Variants in RFTN1 observed in about 807,000 individuals in gnomAD.
RFTN1 encodes raftlin.
RFTN1 carries 26 observed loss-of-function variants against 46.5 expected under a neutral mutation model. The observed-to-expected ratio is 0.56, with a 90% CI of 0.41 to 0.78. RFTN1 has a LOEUF of 0.78. RFTN1 is among the 30% of genes least tolerant of loss of function. The probability of loss-of-function intolerance (pLI) is 0.00; values close to 1 mark genes in which losing one functional copy is unlikely to be tolerated. For missense variants in RFTN1, 693 were observed against 718.7 expected (o/e 0.96, Z 0.41); for synonymous variants, 261 against 284.2 (o/e 0.92, Z 0.82).
rs2074124532 is a variant in RFTN1, at chr3:16,385,134, G to T, written c.442-7032C>A. On this transcript the variant is annotated intron_variant, in intron 4 of 9. Transcript: ENST00000334133. This position sits in a 1 kb window ranked among gnomAD's most constrained non-coding sequence, Gnocchi z 5.0. Reference sequence around the variant, plus strand: ...AGCCCACAGCAGAGGCATGCCCTAGGTGTCAAGAACAGGTACAAAAATGCC... The same window carrying T: ...AGCCCACAGCAGAGGCATGCCCTAGTTGTCAAGAACAGGTACAAAAATGCC... Among the ~76,000 whole-genome samples the T allele has an allele frequency of 6.6e-6, 1 of 152,136 alleles. No homozygotes were observed. The highest frequency in any genetic ancestry group is 6.5e-5 in the Admixed American group (1 of 15,280).
Position 16,458,654 on chromosome 3 carries a change from C to G in RFTN1, c.146-24617G>C, listed in dbSNP as rs1280681673. Among the ~76,000 whole-genome samples the G allele has an allele frequency of 1.3e-5, 2 of 152,168 alleles. No individual in the cohort carries two copies. The highest frequency in any genetic ancestry group is 2.9e-5 in the Non-Finnish European group (2 of 68,022). On this transcript the variant is annotated intron_variant, in intron 2 of 9. Transcript: ENST00000334133. The surrounding 1 kb of genome is among the most constrained non-coding windows in gnomAD (Gnocchi z 5.1). ...CTATTTACATATCATAGCAAACAGC[C>G]TCTTATTTAGATGTCAAATTCCAGC...
chr3:16,371,123 A>C (rs555858357), intron 5 of RFTN1, among the ~76,000 whole-genome samples: 1 of 152,368 alleles, frequency 6.6e-6, no homozygotes, highest in South Asian at 2.1e-4. Flanking sequence ...CCAGCTTAAA[A>C]AGTCTTGCTT....
At chr3:16,488,846 T>G (rs1404570023) in intron 2 of RFTN1, among the ~76,000 whole-genome samples, 2 of 152,116 alleles carry the variant, frequency 1.3e-5, no homozygotes, top group Non-Finnish European at 2.9e-5. Context: ...ACTGCAAACA[T>G]AAAATGACAT....
Position 16,433,185 on chromosome 3 carries a change from T to TTAA in RFTN1, c.332+665_332+666insTTA, listed in dbSNP as rs3054563. ...TCCCATCCTCACTGTTTTTTTTTTT[T>TTAA]AAAAAAATTAATATTGTTCCTTTTG... On this transcript the variant is annotated intron_variant, in intron 3 of 9. Transcript: ENST00000334133. This position sits in a 1 kb window ranked among gnomAD's most constrained non-coding sequence, Gnocchi z 4.4. Among the ~76,000 whole-genome samples the TTAA allele has an allele frequency of 5.9e-4, 89 of 150,236 alleles. No individual in the cohort carries two copies. Among genetic ancestry groups the TTAA allele is most frequent in the East Asian group, 2.5e-3 (13 of 5,150 alleles).
intron 4 of RFTN1, among the ~76,000 whole-genome samples, chr3:16,388,491 A>C (rs1311038577): frequency 6.6e-6 from 1 of 152,372 alleles, no homozygotes; most frequent in East Asian, 1.9e-4. Context: ...TATTCATTTG[A>C]GATTCAGAAA....
chr3:16,332,417 CT>C (rs34563846), intron 7 of RFTN1, among the ~76,000 whole-genome samples: 82,903 of 148,434 alleles, frequency 0.56, 23,461 homozygotes, highest in Non-Finnish European at 0.63. Flanking sequence ...TTGATTGCTT[CT>C]TTTTTTTTTT....
Position 16,435,610 on chromosome 3 carries a change from A to G in RFTN1, c.146-1573T>C, listed in dbSNP as rs140437374. Among the ~76,000 whole-genome samples the G allele has an allele frequency of 1.1e-3, 162 of 152,266 alleles. 1 individual carries two copies. The highest frequency in any genetic ancestry group is 3.8e-3 in the African/African-American group (156 of 41,558). On this transcript the variant is annotated intron_variant, in intron 2 of 9. Transcript: ENST00000334133. ...CAAAACAAAACAGTATACTTTTCTT[A>G]AGAGACCATTTCATAGCAGTACACA... is the stretch of plus-strand genomic sequence containing the variant.
rs565538559 is a variant in RFTN1, at chr3:16,416,907, C to A, written c.333-7424G>T. On this transcript the variant is annotated intron_variant, in intron 3 of 9. Coordinates refer to ENST00000334133, the MANE Select transcript of RFTN1 (RefSeq NM_015150.2). ...AAAATACACATCACATAACATTTAC[C>A]ATTTTAATCATTTTTAAGTGTACAA... Among the ~76,000 whole-genome samples the A allele has an allele frequency of 5.9e-5, 9 of 152,172 alleles. No homozygotes were observed. The East Asian group carries it at 1.7e-3, about 29-fold the overall frequency.
Position 16,443,506 on chromosome 3 carries a change from G to A in RFTN1, c.146-9469C>T, listed in dbSNP as rs1261465594. Among the ~76,000 whole-genome samples, 2 of 151,996 alleles carry A rather than the reference G, an allele frequency of 1.3e-5. No homozygotes were observed. The highest frequency in any genetic ancestry group is 6.6e-5 in the Admixed American group (1 of 15,242). ...AATTAAACCATGGATGAACACACAG[G>A]GGAATCTCAGTAAGACTAAAAGAAC... On this transcript the variant is annotated intron_variant, in intron 2 of 9. Transcript: ENST00000334133. The surrounding 1 kb of genome is among the most constrained non-coding windows in gnomAD (Gnocchi z 5.5).
chr3:16,450,080 T>C lies in RFTN1; in HGVS notation c.146-16043A>G, dbSNP rs2075798394. On this transcript the variant is annotated intron_variant, in intron 2 of 9. Transcript: ENST00000334133. This position sits in a 1 kb window ranked among gnomAD's most constrained non-coding sequence, Gnocchi z 4.6. ...TCACCCCCATCCTGACCACTCTCCATGCCTGTCTTAAATCCATCCCAATTT... is the reference window on the plus strand; with the variant it reads ...TCACCCCCATCCTGACCACTCTCCACGCCTGTCTTAAATCCATCCCAATTT... 6.6e-6 allele frequency among the ~76,000 whole-genome samples: 1 copy of C among 152,200 alleles called. No homozygotes were observed. Among genetic ancestry groups the C allele is most frequent in the Non-Finnish European group, 1.5e-5 (1 of 68,028 alleles).
At chr3:16,432,597 G>A (rs2075411553) in intron 3 of RFTN1, among the ~76,000 whole-genome samples, 1 of 152,090 alleles carries the variant, frequency 6.6e-6, no homozygotes, top group South Asian at 2.1e-4. Flanking sequence ...AGTGGTTTGG[G>A]AGGCCAAGGT....
chr3:16,441,903 T>C (rs760631783), intron 2 of RFTN1, among the ~76,000 whole-genome samples: 8 of 152,200 alleles, frequency 5.3e-5, no homozygotes, highest in Non-Finnish European at 8.8e-5. Context: ...AGATCCAATT[T>C]AGCAAAACAC....
intron 6 of RFTN1, among the ~76,000 whole-genome samples, 194 bp downstream of exon 6, chr3:16,369,882 G>C (rs2073422009): frequency 6.6e-6 from 1 of 152,200 alleles, no homozygotes; most frequent in Non-Finnish European, 1.5e-5. Flanking sequence ...CTGACTCGTA[G>C]AGAGGTTTTG....
Position 16,507,625 on chromosome 3 carries a change from C to CAT in RFTN1, c.-9+5816_-9+5817insAT, listed in dbSNP as rs1023246857. 3.7e-5 allele frequency among the ~76,000 whole-genome samples: 5 copies of CAT among 134,258 alleles called. No individual in the cohort carries two copies. The highest frequency in any genetic ancestry group is 2.3e-4 in the East Asian group (1 of 4,400). The allele number at this position is 134,258 out of a possible 152,430, so 88.1% of individuals were successfully genotyped here. ...ACACACACACACACACACACACATACACACACACATGCACACATCCACAAA... is the reference window on the plus strand; with the variant it reads ...ACACACACACACACACACACACATACATACACACACATGCACACATCCACAAA... On this transcript the variant is annotated intron_variant, in intron 1 of 9. Transcript: ENST00000334133. This position sits in a 1 kb window ranked among gnomAD's most constrained non-coding sequence, Gnocchi z 7.1.
At chr3:16,495,804 G>A (rs911521230) in intron 1 of RFTN1, among the ~76,000 whole-genome samples, 2 of 152,248 alleles carry the variant, frequency 1.3e-5, no homozygotes. Flanking sequence ...ATGCAGCCCT[G>A]TCCCAGCCAT....
intron 2 of RFTN1, among the ~76,000 whole-genome samples, chr3:16,444,922 C>T (rs1049082197): frequency 9.2e-5 from 14 of 152,320 alleles, no homozygotes; most frequent in African/African-American, 3.4e-4. Context: ...GTATAGCTCA[C>T]ATTTATTTCC....
chr3:16,466,173 T>C lies in RFTN1; in HGVS notation c.145+27552A>G, dbSNP rs2076087655. On this transcript the variant is annotated intron_variant, in intron 2 of 9. Transcript: ENST00000334133. The surrounding 1 kb of genome is among the most constrained non-coding windows in gnomAD (Gnocchi z 5.6). ...TTGCATCTCTCATCACATTCCGTTT[T>C]CAGCCACTGTCTGCCTAGCACGTCC... Among the ~76,000 whole-genome samples the C allele has an allele frequency of 6.6e-6, 1 of 152,202 alleles. No individual in the cohort carries two copies. Among genetic ancestry groups the C allele is most frequent in the Non-Finnish European group, 1.5e-5 (1 of 68,030 alleles).
Position 16,448,924 on chromosome 3 carries a change from T to C in RFTN1, c.146-14887A>G, listed in dbSNP as rs2075779164. Among the ~76,000 whole-genome samples, 4 of 152,038 alleles carry C rather than the reference T, an allele frequency of 2.6e-5. No homozygotes were observed. The South Asian group carries it at 8.3e-4, about 32-fold the overall frequency. ...TATCAATAGACAGTAGGCCCTCCAG[T>C]TGGTTGTGTTGAGTCCCTGGAAATG... On this transcript the variant is annotated intron_variant, in intron 2 of 9. Transcript: ENST00000334133. The surrounding 1 kb of genome is among the most constrained non-coding windows in gnomAD (Gnocchi z 4.1).
At position 16,329,802 on chromosome 3, in the gene RFTN1, A is replaced by G. The variant is rs2125239607; in HGVS notation, c.1147-2926T>C. The stretch of plus-strand genomic sequence containing the variant: ...TGTGACAAACCCGCCACAATCAGAC[A>G]GTAGCCATGGCAACCAGGACAAGCT... On this transcript the variant is annotated intron_variant, in intron 7 of 9. Transcript: ENST00000334133. The surrounding 1 kb of genome is among the most constrained non-coding windows in gnomAD (Gnocchi z 4.5). Among the ~76,000 whole-genome samples, 1 of 152,326 alleles carries G rather than the reference A, an allele frequency of 6.6e-6. No individual in the cohort carries two copies. The highest frequency in any genetic ancestry group is 1.5e-5 in the Non-Finnish European group (1 of 68,024).
Sources: allele counts gnomAD v4.1 joint callset (sites outside exome capture counted in the v4.1 genomes callset), GRCh38; gene constraint gnomAD v4.1.1; non-coding constraint Gnocchi (gnomAD v3.1); transcripts MANE v1.5; gene names NCBI Gene and HGNC (gene_info 2026-07-23, HGNC 2026-07-21).